Variants in GAS2 observed in about 807,000 individuals in gnomAD.
GAS2 encodes growth arrest-specific protein 2.
GAS2 carries 20 observed loss-of-function variants against 37.5 expected under a neutral mutation model. That is an observed-to-expected ratio of 0.53 (90% CI 0.37 to 0.77). The LOEUF (loss-of-function observed/expected upper bound fraction) is 0.77, where lower values mean the gene tolerates loss of function less well. GAS2 is among the 30% of genes least tolerant of loss of function. The probability of loss-of-function intolerance (pLI) is 0.00; values close to 1 mark genes in which losing one functional copy is unlikely to be tolerated. For missense variants in GAS2, 336 were observed against 373.4 expected (o/e 0.90, Z 0.82); for synonymous variants, 144 against 132.2 (o/e 1.09, Z -0.61).
At chr11:22,773,386 C>CTTTTTTTTTTTTTTTTTT (rs34014416) in intron 7 of GAS2, among the ~76,000 whole-genome samples, 1 of 64,956 alleles carries the variant, frequency 1.5e-5, no homozygotes, top group African/African-American at 5.6e-5. Context: ...ACACCTCAAT[C>CTTTTTTTTTTTTTTTTTT]TTTTTTTTTT....
At chr11:22,802,455 T>TAA (rs34312956) in intron 7 of GAS2, among the ~76,000 whole-genome samples, 67 of 143,670 alleles carry the variant, frequency 4.7e-4, no homozygotes, top group African/African-American at 1.7e-3. Context: ...CTTAAAGTAT[T>TAA]AAAAAAAAAA....
chr11:22,706,870 A>G (rs1851150708), intron 3 of GAS2, among the ~76,000 whole-genome samples: 1 of 152,134 alleles, frequency 6.6e-6, no homozygotes, highest in South Asian at 2.1e-4. Context: ...TGGCTGGGTC[A>G]AATGGTATTT....
chr11:22,780,195 C>G (rs1855481789), intron 7 of GAS2, among the ~76,000 whole-genome samples: 1 of 152,080 alleles, frequency 6.6e-6, no homozygotes, highest in Non-Finnish European at 1.5e-5. Context: ...ATTTCACTAG[C>G]TAGGGTTGAG....
chr11:22,709,411 A>G (rs1348175001), intron 3 of GAS2, among the ~76,000 whole-genome samples: 1 of 152,162 alleles, frequency 6.6e-6, no homozygotes, highest in African/African-American at 2.4e-5. Flanking sequence ...AAAAAATTAA[A>G]TTAATTGAAG....
At chr11:22,676,013 T>C (rs1052995082) in intron 2 of GAS2, among the ~76,000 whole-genome samples, 2 of 152,206 alleles carry the variant, frequency 1.3e-5, no homozygotes, top group Admixed American at 1.3e-4. Flanking sequence ...TATTTATTTA[T>C]TTTTTAGTCC....
intron 2 of GAS2, among the ~76,000 whole-genome samples, chr11:22,679,456 A>G (rs773012681): frequency 6.6e-6 from 1 of 152,132 alleles, no homozygotes; most frequent in African/African-American, 2.4e-5. Flanking sequence ...TTTAATTGTC[A>G]TTATGAGCAA....
chr11:22,741,680 A>G (rs1025892694), intron 5 of GAS2, among the ~76,000 whole-genome samples: 2 of 152,172 alleles, frequency 1.3e-5, no homozygotes, highest in Non-Finnish European at 2.9e-5. Flanking sequence ...ATTCTTATAC[A>G]AAGATGATTA....
At chr11:22,772,059 G>T (rs756609517) in intron 7 of GAS2, among the ~76,000 whole-genome samples, 2 of 152,138 alleles carry the variant, frequency 1.3e-5, no homozygotes, top group African/African-American at 2.4e-5. Context: ...CAACAGACGT[G>T]CAAATGTGTC....
intron 7 of GAS2, among the ~76,000 whole-genome samples, chr11:22,804,125 CA>C (rs1188906006): frequency 1.3e-5 from 2 of 152,042 alleles, no homozygotes; most frequent in Non-Finnish European, 2.9e-5. Context: ...AGGGAAGAAG[CA>C]AGGGCTAGAG....
At chr11:22,653,035 C>CTTTCTTTCTTTCTTTCTTTCTTTCTCTT (rs562393334) in intron 1 of GAS2, among the ~76,000 whole-genome samples, 3 of 7,674 alleles carry the variant, frequency 3.9e-4, no homozygotes, top group Non-Finnish European at 6.6e-4. Flanking sequence ...TTCTTTCTTT[C>CTTTCTTTCTTTCTTTCTTTCTTTCTCTT]TCTTTCTTTC....
chr11:22,699,150 T>C (rs1377448184), intron 3 of GAS2, among the ~76,000 whole-genome samples: 3 of 152,138 alleles, frequency 2.0e-5, no homozygotes, highest in African/African-American at 7.2e-5. Flanking sequence ...ATATAACATA[T>C]TTTTCTGAGT....
intron 1 of GAS2, among the ~76,000 whole-genome samples, chr11:22,629,577 A>G (rs558423850): frequency 7.9e-5 from 12 of 152,202 alleles, no homozygotes; most frequent in Admixed American, 3.9e-4. Flanking sequence ...GTATTTTTTC[A>G]TACATTTGTT....
chr11:22,752,014 A>G (rs1853766732), intron 6 of GAS2, among the ~76,000 whole-genome samples: 1 of 152,082 alleles, frequency 6.6e-6, no homozygotes, highest in African/African-American at 2.4e-5. Context: ...AATCAAATGT[A>G]GGAAATATAC....
At chr11:22,788,442 G>C (rs1292056169) in intron 7 of GAS2, among the ~76,000 whole-genome samples, 1 of 152,094 alleles carries the variant, frequency 6.6e-6, no homozygotes, top group Non-Finnish European at 1.5e-5. Context: ...ATTTCACTGG[G>C]TTGCTGGCCT....
intron 5 of GAS2, 77 bp from the exon 6 acceptor site, chr11:22,749,043 C>A: frequency 7.6e-7 from 1 of 1,320,874 alleles, no homozygotes; most frequent in Non-Finnish European, 1.0e-6. Flanking sequence ...TCCCATGGTG[C>A]TCATCATCAC....
intron 4 of GAS2, among the ~76,000 whole-genome samples, chr11:22,732,290 G>C (rs10833805): frequency 6.0e-5 from 9 of 151,244 alleles, no homozygotes; most frequent in African/African-American, 1.7e-4. Context: ...AAAAAAGAGC[G>C]CTCTTTTTTC....
intron 2 of GAS2, among the ~76,000 whole-genome samples, chr11:22,677,131 A>C (rs917212034): frequency 6.6e-6 from 1 of 152,224 alleles, no homozygotes; most frequent in Non-Finnish European, 1.5e-5. Context: ...ATAATCTATT[A>C]CTTGTTATAA....
chr11:22,682,736 G>A (rs1367063359), intron 2 of GAS2, among the ~76,000 whole-genome samples: 3 of 151,514 alleles, frequency 2.0e-5, no homozygotes, highest in African/African-American at 7.3e-5. Flanking sequence ...AAATTAGGTG[G>A]GCATGGTAGT....
upstream of GAS2, among the ~76,000 whole-genome samples, chr11:22,664,805 TA>T (rs1489143843): frequency 6.6e-6 from 1 of 152,084 alleles, no homozygotes; most frequent in Non-Finnish European, 1.5e-5. Flanking sequence ...TTACATATGC[TA>T]AAAAAATTAA....
Sources: allele counts gnomAD v4.1 joint callset (sites outside exome capture counted in the v4.1 genomes callset), GRCh38; gene constraint gnomAD v4.1.1; transcripts MANE v1.5; gene names NCBI Gene and HGNC (gene_info 2026-07-23, HGNC 2026-07-21).